LEF1: variants seen among roughly 807,000 people sequenced by gnomAD.
LEF1 encodes the protein lymphoid enhancer binding factor 1.
LEF1 carries 14 observed loss-of-function variants against 51.2 expected under a neutral mutation model. That is an observed-to-expected ratio of 0.27 (90% CI 0.18 to 0.43). The LOEUF (loss-of-function observed/expected upper bound fraction) is 0.43, where lower values mean the gene tolerates loss of function less well. LEF1 is among the 20% of genes least tolerant of loss of function. The pLI is 1.00. For synonymous variants in LEF1, 185 were observed against 183.2 expected (o/e 1.01, Z -0.08); for missense variants, 386 against 512.0 (o/e 0.75, Z 2.37).
At chr4:108,093,847 C>T (rs1281608610) in intron 3 of LEF1, among the ~76,000 whole-genome samples, 2 of 152,168 alleles carry the variant, frequency 1.3e-5, no homozygotes, top group African/African-American at 4.8e-5. Flanking sequence ...ATTTGCAAAT[C>T]ACCATCAGGC....
intron 3 of LEF1, among the ~76,000 whole-genome samples, chr4:108,113,191 T>C (rs1232447219): frequency 6.6e-6 from 1 of 152,184 alleles, no homozygotes; most frequent in East Asian, 1.9e-4. Flanking sequence ...TGCCAGTAAA[T>C]CTATTCAGAT....
At chr4:108,061,744 A>G (rs1030481820) in intron 11 of LEF1, among the ~76,000 whole-genome samples, 1 of 152,086 alleles carries the variant, frequency 6.6e-6, no homozygotes, top group Non-Finnish European at 1.5e-5. Flanking sequence ...CTTACATCCT[A>G]TCTGTGCTTC....
intron 3 of LEF1, among the ~76,000 whole-genome samples, chr4:108,110,694 G>A (rs1385249986): frequency 1.3e-5 from 2 of 152,154 alleles, no homozygotes; most frequent in Admixed American, 1.3e-4. Context: ...CCTCGACCCT[G>A]CTCCCTTCCA....
At chr4:108,063,538 C>T in intron 11 of LEF1, 85 bp downstream of exon 11, 1 of 1,031,892 alleles carries the variant, frequency 9.7e-7, no homozygotes, top group South Asian at 1.4e-5. Context: ...GTCGAATGAA[C>T]TCATTATGAG....
At chr4:108,104,533 T>TA (rs1240250594) in intron 3 of LEF1, 1 of 152,064 alleles carries the variant, frequency 6.6e-6, no homozygotes, top group Non-Finnish European at 1.4e-5. Flanking sequence ...CTGAACATTG[T>TA]AATTTCACAT....
intron 3 of LEF1, among the ~76,000 whole-genome samples, chr4:108,127,342 T>A (rs1387618435): frequency 2.0e-5 from 3 of 152,232 alleles, no homozygotes; most frequent in Non-Finnish European, 2.9e-5. Context: ...AAATTACTTA[T>A]GTTATTTATA....
Position 108,094,475 on chromosome 4 carries a change from A to G in LEF1, c.415-5218T>C, listed in dbSNP as rs941708064. Among the ~76,000 whole-genome samples, 4 of 152,216 alleles carry G rather than the reference A, an allele frequency of 2.6e-5. No homozygotes were observed. In the South Asian group the frequency reaches 8.3e-4, roughly 32 times the overall value. On this transcript the variant is annotated intron_variant, in intron 3 of 11. Coordinates refer to ENST00000265165, the MANE Select transcript of LEF1 (RefSeq NM_016269.5). ...CAGCATTCCCAGAAATGACCCACTC[A>G]CCACTGGCAGGAATTGAAGGTGTCA...
intron 11 of LEF1, among the ~76,000 whole-genome samples, chr4:108,061,855 C>A (rs537181446): frequency 2.6e-5 from 4 of 152,216 alleles, no homozygotes; most frequent in Admixed American, 6.5e-5. Flanking sequence ...AAGGGATGGT[C>A]CTCCTTTCAC....
chr4:108,143,841 G>C (rs1743830178), intron 3 of LEF1, among the ~76,000 whole-genome samples: 1 of 152,094 alleles, frequency 6.6e-6, no homozygotes, highest in African/African-American at 2.4e-5. Context: ...CGGAGCTGTG[G>C]GCTCCACACA....
intron 3 of LEF1, among the ~76,000 whole-genome samples, chr4:108,148,754 T>C (rs1744146501): frequency 6.6e-6 from 1 of 152,232 alleles, no homozygotes; most frequent in Admixed American, 6.5e-5. Context: ...CCAGGAAACT[T>C]GTTTATCCTT....
intron 11 of LEF1, among the ~76,000 whole-genome samples, chr4:108,058,422 T>C (rs974257082): frequency 3.9e-5 from 6 of 152,322 alleles, no homozygotes; most frequent in Middle Eastern, 3.4e-3. Context: ...TTTAATTTCA[T>C]ATAAATCTTA....
intron 4 of LEF1, among the ~76,000 whole-genome samples, chr4:108,083,986 C>A (rs1739481400): frequency 6.6e-6 from 1 of 152,156 alleles, no homozygotes; most frequent in East Asian, 1.9e-4. Context: ...TGATATGATT[C>A]ATTTGGTCTC....
intron 11 of LEF1, among the ~76,000 whole-genome samples, chr4:108,063,359 GAAGA>G (rs1284530920): frequency 6.6e-6 from 1 of 152,140 alleles, no homozygotes; most frequent in African/African-American, 2.4e-5. Context: ...AAATGGTTTA[GAAGA>G]AAGAGTTAGG....
chr4:108,099,458 T>C (rs1459681207), intron 3 of LEF1, among the ~76,000 whole-genome samples: 1 of 150,520 alleles, frequency 6.6e-6, no homozygotes, highest in Non-Finnish European at 1.5e-5. Flanking sequence ...TAACATTACA[T>C]TTCAATATCC....
chr4:108,147,089 T>C (rs1020961801), intron 3 of LEF1, among the ~76,000 whole-genome samples: 4 of 151,870 alleles, frequency 2.6e-5, no homozygotes, highest in Non-Finnish European at 5.9e-5. Context: ...GATTACACCA[T>C]TGCACTCCAG....
At chr4:108,148,018 G>A (rs1744104969) in intron 3 of LEF1, among the ~76,000 whole-genome samples, 1 of 152,164 alleles carries the variant, frequency 6.6e-6, no homozygotes, top group Non-Finnish European at 1.5e-5. Context: ...GATTTAAAAT[G>A]TGGTTAAATA....
intron 3 of LEF1, among the ~76,000 whole-genome samples, chr4:108,119,895 T>C (rs938286056): frequency 1.3e-5 from 2 of 152,132 alleles, no homozygotes; most frequent in Admixed American, 1.3e-4. Context: ...TTAAAAAATA[T>C]TTATTAATTT....
Position 108,126,708 on chromosome 4 carries a change from G to A in LEF1, c.414+36860C>T, listed in dbSNP as rs139198864. On this transcript the variant is annotated intron_variant, in intron 3 of 11. Transcript: ENST00000265165. ...AGTTTTCAGCCACTCAGGAGACTGA[G>A]GCATGAGAATTGCTTGAACCCGGGA... 7.3e-3 allele frequency among the ~76,000 whole-genome samples: 1,110 copies of A among 151,170 alleles called. 6 individuals are homozygous for A. The highest frequency in any genetic ancestry group is 0.012 in the Non-Finnish European group (836 of 67,904).
intron 3 of LEF1, among the ~76,000 whole-genome samples, chr4:108,124,892 G>A (rs531648281): frequency 2.8e-4 from 43 of 152,242 alleles, no homozygotes; most frequent in African/African-American, 9.9e-4. Context: ...GTATCACTAG[G>A]TTTGTTCCAT....
Sources: allele counts gnomAD v4.1 joint callset (sites outside exome capture counted in the v4.1 genomes callset), GRCh38; gene constraint gnomAD v4.1.1; transcripts MANE v1.5; gene names NCBI Gene and HGNC (gene_info 2026-07-23, HGNC 2026-07-21).